DTNA: variants seen among roughly 807,000 people sequenced by gnomAD.
DTNA encodes dystrophin-related protein 3.
In DTNA, 43 loss-of-function variants were observed where a neutral mutation model predicts 100.7. The ratio of observed to expected loss-of-function variants is 0.43; its 90% CI spans 0.33 to 0.55. The LOEUF is 0.55. DTNA is among the 20% of genes least tolerant of loss of function. DTNA has a pLI of 0.04. For missense variants in DTNA, 798 were observed against 953.9 expected (o/e 0.84, Z 2.15); for synonymous variants, 349 against 347.9 (o/e 1.00, Z -0.04).
At chr18:34,530,280 G>T (rs1000931671) in intron 1 of DTNA, among the ~76,000 whole-genome samples, 1 of 152,098 alleles carries the variant, frequency 6.6e-6, no homozygotes, top group African/African-American at 2.4e-5. Context: ...TGGTGACACT[G>T]TAATAAAAAT....
At chr18:34,799,287 C>G (rs1260684390) in intron 4 of DTNA, among the ~76,000 whole-genome samples, 1 of 152,152 alleles carries the variant, frequency 6.6e-6, no homozygotes, top group Non-Finnish European at 1.5e-5. Context: ...CACTGCTGAG[C>G]CTTCCAATGC....
chr18:34,638,569 C>T (rs573626367), intron 1 of DTNA, among the ~76,000 whole-genome samples: 1 of 152,318 alleles, frequency 6.6e-6, no homozygotes, highest in East Asian at 1.9e-4. Context: ...CTCTAGCTCA[C>T]TTCATTATGT....
At chr18:34,663,196 C>T (rs1443879093) in intron 1 of DTNA, among the ~76,000 whole-genome samples, 1 of 151,954 alleles carries the variant, frequency 6.6e-6, no homozygotes, top group Admixed American at 6.6e-5. Flanking sequence ...CTCTGTCATC[C>T]AAGCTGGAGT....
chr18:34,886,426 C>T (rs1195074717), intron 22 of DTNA, among the ~76,000 whole-genome samples: 1 of 152,186 alleles, frequency 6.6e-6, no homozygotes, highest in South Asian at 2.1e-4. Context: ...CCAGTTATAA[C>T]AAATTTAGTC....
intron 5 of DTNA, among the ~76,000 whole-genome samples, chr18:34,808,380 C>G (rs970779759): frequency 2.6e-5 from 4 of 152,308 alleles, no homozygotes; most frequent in African/African-American, 9.6e-5. Flanking sequence ...GGTCCCCAAG[C>G]CCTTACAGCT....
At position 34,848,282 on chromosome 18, in the gene DTNA, T is replaced by C; in HGVS notation, c.1347-14T>C. 1.9e-6 allele frequency: 3 copies of C among 1,613,856 alleles called. No homozygotes were observed. The highest frequency in any genetic ancestry group is 1.7e-4 in the Middle Eastern group (1 of 6,060). Reference sequence around the variant, plus strand: ...AGTTGCCTAACGGTCTCCTTCTTGCTTTGTTCTTAATAGCATGCTTGAGAG... The same window carrying C: ...AGTTGCCTAACGGTCTCCTTCTTGCCTTGTTCTTAATAGCATGCTTGAGAG... On this transcript the variant is annotated splice_polypyrimidine_tract_variant and intron_variant, in intron 13 of 22. Transcript: ENST00000444659.
rs377008599 is a variant in DTNA, at chr18:34,663,596, AT to A, written c.-1-92370del. ...GTACTAGTCATTTCTTTCATAGAACATTTTTTTTTTGAAAGAACAATGGGCA... is the reference window on the plus strand; with the variant it reads ...GTACTAGTCATTTCTTTCATAGAACATTTTTTTTTGAAAGAACAATGGGCA... On this transcript the variant is annotated intron_variant, in intron 1 of 19. Coordinates refer to the DTNA transcript ENST00000283365. Among the ~76,000 whole-genome samples, 393 of 149,934 alleles carry A rather than the reference AT, an allele frequency of 2.6e-3. 1 individual carries two copies. The highest frequency in any genetic ancestry group is 4.5e-3 in the Non-Finnish European group (301 of 67,284).
At chr18:34,524,761 T>TA (rs2042453767) in intron 1 of DTNA, among the ~76,000 whole-genome samples, 6 of 152,128 alleles carry the variant, frequency 3.9e-5, no homozygotes, top group African/African-American at 1.4e-4. Context: ...GGATTTTTTT[T>TA]TAAAAAAAAG....
At chr18:34,692,202 T>C in intron 1 of DTNA, among the ~76,000 whole-genome samples, 1 of 152,188 alleles carries the variant, frequency 6.6e-6, no homozygotes, top group East Asian at 1.9e-4. Context: ...TCCTTCAGTG[T>C]AGTTAAGATC....
chr18:34,606,373 C>G (rs556195121), intron 1 of DTNA, among the ~76,000 whole-genome samples: 1 of 152,114 alleles, frequency 6.6e-6, no homozygotes, highest in South Asian at 2.1e-4. Flanking sequence ...TTGACTATTT[C>G]ACAACAAAAA....
chr18:34,541,724 G>A (rs2044265015), intron 1 of DTNA, among the ~76,000 whole-genome samples: 1 of 152,036 alleles, frequency 6.6e-6, no homozygotes, highest in African/African-American at 2.4e-5. Flanking sequence ...TTTTTCTGAT[G>A]ACAGACACAG....
intron 5 of DTNA, among the ~76,000 whole-genome samples, chr18:34,808,593 A>G (rs1296008642): frequency 6.6e-6 from 1 of 152,186 alleles, no homozygotes; most frequent in Non-Finnish European, 1.5e-5. Context: ...GGGACTAGCA[A>G]TGTCAGCACA....
At chr18:34,774,809 G>C (rs866418674) in intron 3 of DTNA, among the ~76,000 whole-genome samples, 1 of 152,202 alleles carries the variant, frequency 6.6e-6, no homozygotes, top group Non-Finnish European at 1.5e-5. Flanking sequence ...CCTTTTAAAA[G>C]AGAGGTTGCT....
intron 1 of DTNA, among the ~76,000 whole-genome samples, chr18:34,633,757 T>A (rs2148174674): frequency 1.3e-5 from 2 of 152,288 alleles, no homozygotes; most frequent in Middle Eastern, 6.8e-3. Context: ...AGGATATCCA[T>A]GCCTGAAGGA....
chr18:34,712,016 A>G (rs1409854867), intron 1 of DTNA, among the ~76,000 whole-genome samples: 1 of 152,146 alleles, frequency 6.6e-6, no homozygotes, highest in Non-Finnish European at 1.5e-5. Context: ...CTACTAGAGA[A>G]TAGGGAGTTT....
In DTNA at chr18:34,890,118, A is replaced by G; in HGVS notation, c.*2384A>G. On this transcript the variant is annotated 3_prime_UTR_variant, in exon 23 of 23. Transcript: ENST00000444659. ...GTTGTTTCTTTGTGTTTCTACATCA[A>G]AATGTTCGTCTAAGATTTGAACTGT... The G allele has an allele frequency of 1.4e-6, 2 of 1,402,772 alleles. No individual in the cohort carries two copies. Among genetic ancestry groups the G allele is most frequent in the Non-Finnish European group, 9.2e-7 (1 of 1,083,448 alleles). 86.9% of individuals were successfully genotyped at this position (1,402,772 alleles called of 1,614,324 possible).
intron 7 of DTNA, 103 bp from the exon 8 acceptor site, chr18:34,818,061 G>C (rs1361655199): frequency 1.2e-6 from 2 of 1,602,082 alleles, no homozygotes; most frequent in Non-Finnish European, 1.7e-6. Context: ...ATCTGAAATC[G>C]TGGTGCAGAG....
intron 1 of DTNA, among the ~76,000 whole-genome samples, chr18:34,562,682 C>T (rs1335543362): frequency 1.3e-5 from 2 of 152,168 alleles, no homozygotes; most frequent in Admixed American, 6.5e-5. Context: ...TCCACATCAG[C>T]ATCACCAGGG....
At chr18:34,518,874 TA>T (rs2041915339) in intron 1 of DTNA, among the ~76,000 whole-genome samples, 1 of 151,852 alleles carries the variant, frequency 6.6e-6, no homozygotes, top group African/African-American at 2.4e-5. Flanking sequence ...TAGGTTAAAT[TA>T]AAATATAGAA....
Sources: gnomAD v4.1 joint callset for allele counts (sites outside exome capture counted in the v4.1 genomes callset) on GRCh38, gnomAD v4.1.1 for gene constraint, MANE v1.5 for transcripts, NCBI Gene and HGNC (gene_info 2026-07-23, HGNC 2026-07-21) for gene names.